Variants in TBXAS1 observed in about 807,000 individuals in gnomAD.
The protein encoded by TBXAS1 is thromboxane A synthase 1, also known as thromboxane-A synthase.
Under a neutral mutation model 60.7 loss-of-function variants are expected in TBXAS1, and 48 were observed. That is an observed-to-expected ratio of 0.79 (90% confidence interval 0.63 to 1.01). The LOEUF (loss-of-function observed/expected upper bound fraction) is 1.01. Among genes scored for constraint, TBXAS1 ranks in the 50% least tolerant of loss-of-function variants. TBXAS1 has a pLI of 0.00. For synonymous variants in TBXAS1, 287 were observed against 269.7 expected (o/e 1.06, Z -0.63); for missense variants, 685 against 686.3 (o/e 1.00, Z 0.02).
At chr7:139,789,128 C>T (rs184331897) in intron 4 of TBXAS1, 1 of 152,004 alleles carries the variant, frequency 6.6e-6, no homozygotes, top group African/African-American at 2.4e-5. Context: ...TTTAGCACCC[C>T]CACTAGATAT....
intron 6 of TBXAS1, 151 bp downstream of exon 6, chr7:139,953,607 A>G: frequency 1.4e-6 from 1 of 740,574 alleles, no homozygotes; most frequent in Admixed American, 2.3e-5. Context: ...AATAAAAAGA[A>G]AAGAAACCCA....
At chr7:139,945,070 G>C (rs1808591613) in intron 5 of TBXAS1, among the ~76,000 whole-genome samples, 1 of 152,220 alleles carries the variant, frequency 6.6e-6, no homozygotes, top group African/African-American at 2.4e-5. Context: ...AAAATAACCA[G>C]ATTCTGCCCT....
chr7:139,965,946 T>C (rs903815073), intron 9 of TBXAS1, among the ~76,000 whole-genome samples: 1 of 151,962 alleles, frequency 6.6e-6, no homozygotes, highest in African/African-American at 2.4e-5. Flanking sequence ...TGTCAGGACA[T>C]GGAAATGCAG....
chr7:139,806,955 G>A (rs1797893915), intron 4 of TBXAS1, among the ~76,000 whole-genome samples: 1 of 152,190 alleles, frequency 6.6e-6, no homozygotes, highest in Non-Finnish European at 1.5e-5. Context: ...TACCTAGGGG[G>A]TTCACAAACT....
chr7:139,926,424 G>A lies in TBXAS1; in HGVS notation c.334-9767G>A, dbSNP rs141929610. The stretch of plus-strand genomic sequence containing the variant: ...TTTCTTCTAGATTTTCCAATTTATT[G>A]GCATACAGTTGCCCATAGTAGCTGC... On this transcript the variant is annotated intron_variant, in intron 4 of 12. Coordinates refer to ENST00000448866, the MANE Select transcript of TBXAS1 (RefSeq NM_001061.7). Among the ~76,000 whole-genome samples, 1,324 of 152,070 alleles carry A rather than the reference G, an allele frequency of 8.7e-3. 9 individuals carry two copies. The highest frequency in any genetic ancestry group is 0.013 in the Non-Finnish European group (863 of 67,976).
intron 3 of TBXAS1, among the ~76,000 whole-genome samples, chr7:139,881,247 T>G (rs1242723527): frequency 6.6e-6 from 1 of 152,224 alleles, no homozygotes; most frequent in African/African-American, 2.4e-5. Flanking sequence ...TTTCTTCCAA[T>G]CAGAAAACAT....
In TBXAS1 at chr7:139,778,802, G is replaced by C. The variant is rs184001319; in HGVS notation, c.-318+331G>C. On this transcript the variant is annotated intron_variant, in intron 1 of 16. Coordinates refer to the TBXAS1 transcript ENST00000336425. This position sits in a 1 kb window ranked among gnomAD's most constrained non-coding sequence, Gnocchi z 4.8. Reference sequence around the variant, plus strand: ...CTAAACACTCTCCAGACTCTCCCCAGCCGGGAGCCTCTCCAGGTTTGCTTC... The same window carrying C: ...CTAAACACTCTCCAGACTCTCCCCACCCGGGAGCCTCTCCAGGTTTGCTTC... Among the ~76,000 whole-genome samples the C allele has an allele frequency of 4.1e-3, 622 of 152,240 alleles. 4 individuals are homozygous for C. Among genetic ancestry groups the C allele is most frequent in the African/African-American group, 0.013 (536 of 41,540 alleles).
intron 1 of TBXAS1, among the ~76,000 whole-genome samples, chr7:139,848,061 C>T (rs538843780): frequency 1.3e-5 from 2 of 152,028 alleles, no homozygotes; most frequent in East Asian, 3.9e-4. Flanking sequence ...CCTCAAGTGA[C>T]CCTCCTACCT....
At chr7:139,922,454 C>T (rs528965672) in intron 4 of TBXAS1, among the ~76,000 whole-genome samples, 3 of 151,922 alleles carry the variant, frequency 2.0e-5, no homozygotes, top group Non-Finnish European at 2.9e-5. Flanking sequence ...TTTTTAACAA[C>T]GTGCCTGTTG....
In TBXAS1 at chr7:139,885,638, T is replaced by A. The variant is rs1803032736; in HGVS notation, c.236+10001T>A. ...ATCTAAAAAGAAGAAAGACAAGCCA[T>A]CTTTGATTTCAAAATTTAAAAGAAA... On this transcript the variant is annotated intron_variant, in intron 3 of 12. Transcript: ENST00000448866. 3.3e-5 allele frequency among the ~76,000 whole-genome samples: 5 copies of A among 152,208 alleles called. No homozygotes were observed. The South Asian group carries it at 1.0e-3, about 32-fold the overall frequency.
At chr7:139,994,957 G>A (rs528824987) in intron 9 of TBXAS1, among the ~76,000 whole-genome samples, 178 of 152,350 alleles carry the variant, frequency 1.2e-3, no homozygotes, top group African/African-American at 4.0e-3. Flanking sequence ...CAGGGAGGAC[G>A]TTTGGGTAAA....
chr7:139,852,564 G>A lies in TBXAS1; in HGVS notation c.90-19671G>A, dbSNP rs1009144924. ...ATAGCTAAGAGATGATCAAAGGTCA[G>A]TGGCTAAACTTGCTAAGAATTAGGT... On this transcript the variant is annotated intron_variant, in intron 1 of 12. Transcript: ENST00000448866. This position sits in a 1 kb window ranked among gnomAD's most constrained non-coding sequence, Gnocchi z 4.4. Among the ~76,000 whole-genome samples the A allele has an allele frequency of 4.6e-5, 7 of 152,220 alleles. No individual in the cohort carries two copies. Among genetic ancestry groups the A allele is most frequent in the Non-Finnish European group, 1.0e-4 (7 of 68,032 alleles).
chr7:139,935,735 A>G (rs1807705813), intron 4 of TBXAS1, among the ~76,000 whole-genome samples: 1 of 152,116 alleles, frequency 6.6e-6, no homozygotes, highest in South Asian at 2.1e-4. Flanking sequence ...ACAAGGGTCC[A>G]GACGAGTGAG....
intron 4 of TBXAS1, among the ~76,000 whole-genome samples, chr7:139,925,543 G>A (rs554853512): frequency 8.5e-5 from 13 of 152,062 alleles, no homozygotes; most frequent in African/African-American, 2.7e-4. Context: ...ATAGCTTTTC[G>A]GTGGAGTCTT....
chr7:139,869,137 C>G (rs1456697262), intron 1 of TBXAS1, among the ~76,000 whole-genome samples: 1 of 152,144 alleles, frequency 6.6e-6, no homozygotes, highest in East Asian at 1.9e-4. Flanking sequence ...GGGCCAGGAG[C>G]CTGAAATTGA....
intron 1 of TBXAS1, among the ~76,000 whole-genome samples, chr7:139,863,751 G>C (rs183627091): frequency 5.9e-5 from 9 of 152,184 alleles, no homozygotes; most frequent in Admixed American, 6.5e-5. Context: ...AAAATAGAAG[G>C]AAGTCCATAA....
rs1796879277 is a variant in TBXAS1, at chr7:139,778,865, C to CCA, written c.-318+395_-318+396dup. On this transcript the variant is annotated intron_variant, in intron 1 of 16. Coordinates refer to the TBXAS1 transcript ENST00000336425. This position sits in a 1 kb window ranked among gnomAD's most constrained non-coding sequence, Gnocchi z 4.8. ...CCGGATGCTTGGATAGGATGCCCTGCCATCCCCTCCAACTTAGGAAGACTT... is the reference window on the plus strand; with the variant it reads ...CCGGATGCTTGGATAGGATGCCCTGCCACATCCCCTCCAACTTAGGAAGACTT... Among the ~76,000 whole-genome samples, 1 of 152,204 alleles carries CCA rather than the reference C, an allele frequency of 6.6e-6. No homozygotes were observed. Among genetic ancestry groups the CCA allele is most frequent in the South Asian group, 2.1e-4 (1 of 4,834 alleles).
chr7:139,905,429 C>T (rs915687873), intron 3 of TBXAS1, among the ~76,000 whole-genome samples: 5 of 152,044 alleles, frequency 3.3e-5, no homozygotes, highest in South Asian at 2.1e-4. Context: ...TATTGACTTG[C>T]GTATATTAAA....
intron 4 of TBXAS1, among the ~76,000 whole-genome samples, chr7:139,924,408 G>A (rs974859071): frequency 6.6e-6 from 1 of 151,884 alleles, no homozygotes; most frequent in Admixed American, 6.5e-5. Flanking sequence ...GACCAGTGAT[G>A]TTGAGTACCT....
Sources: allele counts gnomAD v4.1 joint callset (sites outside exome capture counted in the v4.1 genomes callset), GRCh38; gene constraint gnomAD v4.1.1; non-coding constraint Gnocchi (gnomAD v3.1); transcripts MANE v1.5; gene names NCBI Gene and HGNC (gene_info 2026-07-23, HGNC 2026-07-21).